The following PLCD4 variants were observed in gnomAD, a reference collection of about 807,000 sequenced individuals.
PLCD4 encodes 1-phosphatidylinositol 4,5-bisphosphate phosphodiesterase delta-4.
PLCD4 carries 63 observed loss-of-function variants against 90.2 expected under a neutral mutation model. That is an observed-to-expected ratio of 0.70 (90% confidence interval 0.57 to 0.86). The LOEUF (loss-of-function observed/expected upper bound fraction) is 0.86, where lower values mean the gene tolerates loss of function less well. Among genes scored for constraint, PLCD4 ranks in the 40% least tolerant of loss-of-function variants. The pLI, the probability that PLCD4 is intolerant of heterozygous loss-of-function variation, is 0.00. For missense variants in PLCD4, 830 were observed against 956.3 expected, an observed-to-expected ratio of 0.87 and a Z score of 1.74; for synonymous variants, 294 against 356.5, an observed-to-expected ratio of 0.82 and a Z score of 1.97.
At chr2:218,624,275 C>T (rs1010259844) in intron 6 of PLCD4, among the ~76,000 whole-genome samples, 1 of 152,184 alleles carries the variant, frequency 6.6e-6, no homozygotes, top group African/African-American at 2.4e-5. Context: ...TCAATGAATG[C>T]TTATTGAGTT....
At chr2:218,625,383 G>C (rs115131270) in intron 6 of PLCD4, among the ~76,000 whole-genome samples, 3 of 151,604 alleles carry the variant, frequency 2.0e-5, no homozygotes, top group African/African-American at 4.8e-5. Context: ...CATTTGTTTC[G>C]ACCCCGACCC....
At chr2:218,623,308 G>A (rs1347570929) in intron 6 of PLCD4, among the ~76,000 whole-genome samples, 1 of 152,082 alleles carries the variant, frequency 6.6e-6, no homozygotes, top group Non-Finnish European at 1.5e-5. Context: ...ATGCTGGCTC[G>A]CTGCCCTTTC....
intron 1 of PLCD4, among the ~76,000 whole-genome samples, chr2:218,610,728 T>C (rs1695295005): frequency 1.3e-5 from 2 of 151,914 alleles, no homozygotes; most frequent in African/African-American, 2.4e-5. Context: ...TGGGTTCTTT[T>C]TTTTTTCCTC....
chr2:218,618,717 A>G lies in PLCD4; in HGVS notation c.320A>G (p.Asn107Ser). Residue 107 changes from asparagine (N) to serine (S), a missense_variant, in exon 4 of 16, where the codon AAC becomes AGC. Coordinates refer to ENST00000450993, the MANE Select transcript of PLCD4 (RefSeq NM_032726.4). ...CGCTCCAACCTGGACCTGATGGCCA[A>G]CAGTGTTGAGGAGGCCCAGATATGG... Reference protein sequence around the residue: ...GRRSNLDLMANSVEEAQIWMR... With the variant: ...GRRSNLDLMASSVEEAQIWMR... 1 of 1,613,400 alleles carries G rather than the reference A, an allele frequency of 6.2e-7. No homozygotes were observed. Among genetic ancestry groups the G allele is most frequent in the Non-Finnish European group, 8.5e-7 (1 of 1,179,674 alleles).
At chr2:218,614,605 A>G (rs545308419) in intron 1 of PLCD4, among the ~76,000 whole-genome samples, 12 of 151,806 alleles carry the variant, frequency 7.9e-5, no homozygotes, top group African/African-American at 2.9e-4. Context: ...GCTTGCCACC[A>G]TGCCCAGCTA....
intron 9 of PLCD4, among the ~76,000 whole-genome samples, chr2:218,631,831 T>C (rs1224850636): frequency 6.6e-6 from 1 of 152,100 alleles, no homozygotes; most frequent in Non-Finnish European, 1.5e-5. Context: ...AGGTTCTCTA[T>C]TTCCTTCTTG....
rs1411142664 is a variant in PLCD4, at chr2:218,636,859, G to A, written c.*282G>A. ...GAGTTCCCTTCTTCCTCTTGCTGTA[G>A]GCTCAATCCCATACCGACATCTACA... On this transcript the variant is annotated 3_prime_UTR_variant, in exon 16 of 16. Transcript: ENST00000450993. 2 of 516,588 alleles carry A rather than the reference G, an allele frequency of 3.9e-6. No individual in the cohort carries two copies. The highest frequency in any genetic ancestry group is 2.3e-5 in the Admixed American group (1 of 44,242). 32.0% of individuals were successfully genotyped at this position (516,588 alleles called of 1,614,324 possible).
In PLCD4 at chr2:218,634,112, G is replaced by A. The variant is rs1336454183; in HGVS notation, c.1614G>A (p.Glu538=). The change falls in exon 12 of 16, where the codon GAG becomes GAA. Residue 538 remains glutamate (E), a synonymous_variant. Transcript: ENST00000450993. This position sits in a 1 kb window ranked among gnomAD's most constrained non-coding sequence, Gnocchi z 4.0. ...AKRLIKEAGN[E]FVQHNTWQLS... ...CTCTATACCCTTTTACAGGCAATGA[G>A]TTTGTGCAGCACAATACTTGGCAGT... 6.2e-7 allele frequency: 1 copy of A among 1,609,982 alleles called. No homozygotes were observed. The highest frequency in any genetic ancestry group is 8.5e-7 in the Non-Finnish European group (1 of 1,178,118).
rs1378381209 is a variant in PLCD4 at position 218,615,714 on chromosome 2, G to A, written c.-26G>A. On this transcript the variant is annotated 5_prime_UTR_variant, in exon 2 of 16. Transcript: ENST00000450993. ...TCTTCCTTGCTCCTTTAGGTGATCT[G>A]GTGCCAGCTGGTGGAACAGTGGGTG... 6.3e-7 allele frequency: 1 copy of A among 1,595,898 alleles called. No homozygotes were observed. The highest frequency in any genetic ancestry group is 8.5e-7 in the Non-Finnish European group (1 of 1,172,004).
chr2:218,632,186 A>G lies in PLCD4; in HGVS notation c.1323A>G (p.Glu441=), dbSNP rs61752210. 2.2e-3 allele frequency: 3,469 copies of G among 1,611,128 alleles called. 9 individuals are homozygous for G. Among genetic ancestry groups the G allele is most frequent in the Non-Finnish European group, 2.4e-3 (2,813 of 1,178,820 alleles). The part of the protein sequence containing the change: ...LVKGKKLTLE[E]DLEYEEEEAE... ...AGGGGAAGAAGTTAACACTTGAGGA[A>G]GACCTGGAATATGAGGAAGAGGAAG... The change falls in exon 10 of 16, where the codon GAA becomes GAG. Residue 441 remains glutamate (E), a synonymous_variant. Transcript: ENST00000450993.
intron 1 of PLCD4, among the ~76,000 whole-genome samples, chr2:218,613,460 T>G (rs551552923): frequency 6.7e-6 from 1 of 149,218 alleles, no homozygotes; most frequent in Non-Finnish European, 1.5e-5. Flanking sequence ...AAAAAGAAAC[T>G]CACAATATAC....
intron 6 of PLCD4, among the ~76,000 whole-genome samples, chr2:218,623,447 C>T (rs140738385): frequency 5.9e-5 from 9 of 152,304 alleles, no homozygotes; most frequent in Non-Finnish European, 1.3e-4. Flanking sequence ...CTGAAATATA[C>T]GCTCTTGTTC....
chr2:218,626,778 G>C (rs114546729), intron 6 of PLCD4, among the ~76,000 whole-genome samples: 4 of 152,242 alleles, frequency 2.6e-5, no homozygotes, highest in Non-Finnish European at 4.4e-5. Flanking sequence ...ACAGTAAGAA[G>C]AAACCCTCAG....
At chr2:218,614,792 A>G (rs1348155620) in intron 1 of PLCD4, among the ~76,000 whole-genome samples, 2 of 152,002 alleles carry the variant, frequency 1.3e-5, no homozygotes, top group Non-Finnish European at 2.9e-5. Flanking sequence ...TTTGGTAGGT[A>G]GAGAAAATTT....
chr2:218,621,363 G>A (rs1262751080), intron 4 of PLCD4, 107 bp from the exon 5 acceptor site: 1 of 1,327,898 alleles, frequency 7.5e-7, no homozygotes, highest in African/African-American at 1.4e-5. Context: ...GCACCGGGGA[G>A]AGAGACTGGC....
intron 3 of PLCD4, 106 bp from the exon 4 acceptor site, chr2:218,618,473 C>A: frequency 1.0e-6 from 1 of 987,622 alleles, no homozygotes; most frequent in Admixed American, 2.2e-5. Flanking sequence ...GGCTGGGGTT[C>A]TTTTCTATGG....
At position 218,615,900 on chromosome 2, in the gene PLCD4, C is replaced by G; in HGVS notation, c.23-4C>G. The stretch of plus-strand genomic sequence containing the variant: ...CTACCTAACCCCTGCTTTTCCTGAC[C>G]TAGAGCTGACCACTGATCAGGACTT... On this transcript the variant is annotated splice_region_variant and splice_polypyrimidine_tract_variant and intron_variant, in intron 2 of 15. Transcript: ENST00000450993. 2 of 1,613,992 alleles carry G rather than the reference C, an allele frequency of 1.2e-6. No individual in the cohort carries two copies. Among genetic ancestry groups the G allele is most frequent in the East Asian group, 4.5e-5 (2 of 44,884 alleles).
intron 6 of PLCD4, among the ~76,000 whole-genome samples, chr2:218,623,563 T>G (rs1695976867): frequency 6.6e-6 from 1 of 152,234 alleles, no homozygotes. Context: ...ACAAGGAACT[T>G]TCACGTTCCT....
At chr2:218,633,388 T>C (rs1434355697) in intron 10 of PLCD4, 1 of 708,294 alleles carries the variant, frequency 1.4e-6, no homozygotes. Context: ...ACCCCCAGGT[T>C]GTGACGTGCC....
Sources: allele counts gnomAD v4.1 joint callset (sites outside exome capture counted in the v4.1 genomes callset), GRCh38; gene constraint gnomAD v4.1.1; non-coding constraint Gnocchi (gnomAD v3.1); transcripts MANE v1.5; gene names NCBI Gene and HGNC (gene_info 2026-07-23, HGNC 2026-07-21).